The following FAAH2 variants were observed in gnomAD, a reference collection of about 807,000 sequenced individuals.
FAAH2 encodes fatty acid amide hydrolase 2, also known as fatty-acid amide hydrolase 2.
In FAAH2, 60 loss-of-function variants were observed where a neutral mutation model predicts 36.9. The observed-to-expected ratio is 1.63, with a 90% confidence interval of 1.32 to 2.02. The LOEUF is 2.02. FAAH2 is among the 30% of genes most tolerant of loss of function. FAAH2 has a pLI of 0.00. For missense variants in FAAH2, 689 were observed against 397.5 expected (o/e 1.73, Z -6.23); for synonymous variants, 214 against 143.8 (o/e 1.49, Z -3.49).
At chrX:57,202,946 A>G in the FAAH2 span, among the ~76,000 whole-genome samples, 1 of 112,018 alleles carries the variant, frequency 8.9e-6, no homozygotes, top group Non-Finnish European at 1.9e-5. Flanking sequence ...GAATTTTGCC[A>G]GACTAACACT....
At chrX:57,344,234 A>G (rs2053763196) in intron 5 of FAAH2, among the ~76,000 whole-genome samples, 1 of 110,320 alleles carries the variant, frequency 9.1e-6, no homozygotes, top group African/African-American at 3.3e-5. Flanking sequence ...GATTCTTCCA[A>G]TCCATGATAA....
chrX:57,170,781 G>A, the FAAH2 span, among the ~76,000 whole-genome samples: 4 of 109,685 alleles, frequency 3.6e-5, no homozygotes, highest in African/African-American at 1.3e-4. Context: ...CTTGGCTCAC[G>A]GCAACCTCCA....
intron 8 of FAAH2, among the ~76,000 whole-genome samples, chrX:57,445,115 G>T (rs1320105066): frequency 4.5e-5 from 5 of 111,542 alleles, no homozygotes; most frequent in South Asian, 3.8e-4. Flanking sequence ...GCTTGGTTTG[G>T]CCCATCCTTA....
At chrX:57,199,088 C>G in the FAAH2 span, among the ~76,000 whole-genome samples, 3 of 110,984 alleles carry the variant, frequency 2.7e-5, no homozygotes, top group Non-Finnish European at 5.7e-5. Context: ...TTCTGTGTCT[C>G]TCAGTGGGAG....
At chrX:57,258,577 G>T in the FAAH2 span, among the ~76,000 whole-genome samples, 1 of 111,082 alleles carries the variant, frequency 9.0e-6, no homozygotes, top group Middle Eastern at 4.6e-3. Flanking sequence ...AAAAATATGA[G>T]GAACTCATAC....
chrX:57,319,258 A>G (rs2052940443), intron 3 of FAAH2, among the ~76,000 whole-genome samples: 1 of 111,829 alleles, frequency 8.9e-6, no homozygotes, highest in Non-Finnish European at 1.9e-5. Flanking sequence ...ACATGATTGT[A>G]TGCTTAGAAA....
At chrX:57,449,698 C>T (rs937963108) in intron 10 of FAAH2, among the ~76,000 whole-genome samples, 1 of 110,091 alleles carries the variant, frequency 9.1e-6, no homozygotes, top group Non-Finnish European at 1.9e-5. Flanking sequence ...TGGAGTTTTG[C>T]TCTTGTTGCC....
chrX:57,475,846 G>A (rs1233522894), intron 10 of FAAH2, among the ~76,000 whole-genome samples: 1 of 111,569 alleles, frequency 9.0e-6, no homozygotes, highest in Non-Finnish European at 1.9e-5. Flanking sequence ...TTTTCCATTT[G>A]TTTATGTCCT....
At chrX:57,451,996 C>A (rs1197185480) in intron 10 of FAAH2, 1 of 144,010 alleles carries the variant, frequency 6.9e-6, no homozygotes, top group African/African-American at 3.2e-5. Flanking sequence ...TTTTCTTCCA[C>A]TTTAGTCCTA....
the FAAH2 span, among the ~76,000 whole-genome samples, chrX:57,227,521 A>C: frequency 9.0e-6 from 1 of 111,229 alleles, no homozygotes; most frequent in South Asian, 3.8e-4. Context: ...TCTCTCAGTC[A>C]TGGATACCAG....
rs758772969 is a variant in FAAH2 at position 57,455,987 on chromosome X, A to G, written c.1423+7269A>G. 2.7e-5 allele frequency among the ~76,000 whole-genome samples: 3 copies of G among 111,643 alleles called. No homozygotes were observed. The East Asian group carries it at 8.4e-4, about 31-fold the overall frequency. ...CCTCTACAGAGTACTCCACACAACA[A>G]CCACAGAATATATATTTTTCTCATC... On this transcript the variant is annotated intron_variant, in intron 10 of 10. Coordinates refer to ENST00000374900, the MANE Select transcript of FAAH2 (RefSeq NM_174912.4).
chrX:57,478,973 T>C (rs1171256305), intron 10 of FAAH2, among the ~76,000 whole-genome samples: 1 of 111,757 alleles, frequency 8.9e-6, no homozygotes, highest in Non-Finnish European at 1.9e-5. Context: ...CAATGTGGGC[T>C]CTTTTTTGGT....
chrX:57,266,266 T>C, the FAAH2 span, among the ~76,000 whole-genome samples: 50,028 of 111,090 alleles, frequency 0.45, 11,219 homozygotes, highest in African/African-American at 0.88. Flanking sequence ...AGCAGGCTGC[T>C]ATCTTTGTTG....
In FAAH2 at chrX:57,372,822, CA is replaced by C. The variant is rs774337891; in HGVS notation, c.743-5828del. Among the ~76,000 whole-genome samples, 414 of 110,393 alleles carry C rather than the reference CA, an allele frequency of 3.8e-3. 4 individuals carry two copies. The highest frequency in any genetic ancestry group is 0.013 in the African/African-American group (395 of 30,380). ...ATTTCTGAGATTTTGGTGCACCCAT[CA>C]CCCGAGCAGTATACACTGTACCCAG... On this transcript the variant is annotated intron_variant, in intron 5 of 10. Coordinates refer to ENST00000374900, the MANE Select transcript of FAAH2 (RefSeq NM_174912.4).
the FAAH2 span, among the ~76,000 whole-genome samples, chrX:57,204,357 A>G: frequency 2.7e-5 from 3 of 111,355 alleles, no homozygotes; most frequent in African/African-American, 9.8e-5. Flanking sequence ...TGATAAATAT[A>G]CCCAATAAGT....
At chrX:57,231,487 T>C in the FAAH2 span, among the ~76,000 whole-genome samples, 2 of 111,883 alleles carry the variant, frequency 1.8e-5, no homozygotes, top group East Asian at 5.6e-4. Flanking sequence ...TTTTTTGTAA[T>C]TGCAAGAATA....
intron 7 of FAAH2, among the ~76,000 whole-genome samples, chrX:57,412,323 A>G (rs1184613904): frequency 2.7e-5 from 3 of 111,439 alleles, no homozygotes; most frequent in African/African-American, 9.8e-5. Flanking sequence ...GCTGCACCTA[A>G]CAACCTGTCA....
chrX:57,321,785 T>C (rs1263772203), intron 3 of FAAH2, among the ~76,000 whole-genome samples: 1 of 111,336 alleles, frequency 9.0e-6, no homozygotes, highest in Non-Finnish European at 1.9e-5. Flanking sequence ...TTTGTTGCTG[T>C]CATCATGTTG....
chrX:57,211,205 C>T, the FAAH2 span, among the ~76,000 whole-genome samples: 13 of 111,775 alleles, frequency 1.2e-4, no homozygotes, highest in Non-Finnish European at 1.9e-4. Flanking sequence ...ACTCCAGTGG[C>T]AGCCTCATAA....
Sources: gnomAD v4.1 joint callset for allele counts (sites outside exome capture counted in the v4.1 genomes callset) on GRCh38, gnomAD v4.1.1 for gene constraint, MANE v1.5 for transcripts, NCBI Gene and HGNC (gene_info 2026-07-23, HGNC 2026-07-21) for gene names.